PSMD13: variants seen among roughly 807,000 people sequenced by gnomAD.
PSMD13 encodes proteasome 26S subunit, non-ATPase 13, also known as 26S proteasome non-ATPase regulatory subunit 13.
PSMD13 carries 8 observed loss-of-function variants against 57.4 expected under a neutral mutation model. The observed-to-expected ratio is 0.14, with a 90% CI of 0.08 to 0.25. PSMD13 has a LOEUF of 0.25. Among genes scored for constraint, PSMD13 ranks in the 10% least tolerant of loss-of-function variants. PSMD13 has a pLI of 1.00. For missense variants in PSMD13, 400 were observed against 461.5 expected (o/e 0.87, Z 1.22); for synonymous variants, 193 against 168.2 (o/e 1.15, Z -1.14).
chr11:247,036 A>G (rs975125042), intron 6 of PSMD13, among the ~76,000 whole-genome samples: 3 of 152,138 alleles, frequency 2.0e-5, no homozygotes, highest in Non-Finnish European at 4.4e-5. Flanking sequence ...ACGCGGTCAC[A>G]TTCATCAGTC....
intron 1 of PSMD13, among the ~76,000 whole-genome samples, chr11:238,047 A>G (rs1474142785): frequency 6.6e-6 from 1 of 152,346 alleles, no homozygotes; most frequent in East Asian, 1.9e-4. Context: ...TTTGTGTTGG[A>G]TAGCACTTGG....
intron 4 of PSMD13, 45 bp from the exon 5 acceptor site, chr11:244,381 A>T (rs757319058): frequency 6.3e-7 from 1 of 1,597,940 alleles, no homozygotes; most frequent in Non-Finnish European, 8.6e-7. Context: ...TGGTTAGCAG[A>T]AACCAGTCTG....
chr11:239,514 T>C (rs1319452485), intron 2 of PSMD13, among the ~76,000 whole-genome samples: 1 of 152,188 alleles, frequency 6.6e-6, no homozygotes, highest in Non-Finnish European at 1.5e-5. Flanking sequence ...GTGGGAATCT[T>C]AGATAACTTC....
At chr11:249,148 A>G in intron 9 of PSMD13, 91 bp downstream of exon 9, 1 of 1,547,818 alleles carries the variant, frequency 6.5e-7, no homozygotes, top group East Asian at 2.3e-5. Context: ...CTAGGCACAC[A>G]GGAAAGAACA....
Position 251,666 on chromosome 11 carries a change from G to GCC in PSMD13, c.918+41_918+42dup. On this transcript the variant is annotated intron_variant, in intron 11 of 12. Coordinates refer to ENST00000532097, the MANE Select transcript of PSMD13 (RefSeq NM_002817.4). This position sits in a 1 kb window ranked among gnomAD's most constrained non-coding sequence, Gnocchi z 4.6. ...CTCAGGGTGTTAGAGCAGCAAAGCT[G>GCC]CCACATGGAGGAGTCAAGGCTCTTG... 6.3e-7 allele frequency: 1 copy of GCC among 1,581,254 alleles called. No homozygotes were observed. Among genetic ancestry groups the GCC allele is most frequent in the South Asian group, 1.1e-5 (1 of 89,544 alleles).
chr11:245,641 C>T (rs922406793), intron 6 of PSMD13, among the ~76,000 whole-genome samples: 1 of 122,348 alleles, frequency 8.2e-6, no homozygotes, highest in Non-Finnish European at 1.7e-5. Context: ...TGAACCAGAA[C>T]GTGTGTGTGT....
chr11:251,679 G>A lies in PSMD13; in HGVS notation c.918+53G>A. 6.4e-7 allele frequency: 1 copy of A among 1,569,694 alleles called. No homozygotes were observed. On this transcript the variant is annotated intron_variant, in intron 11 of 12. Transcript: ENST00000532097. The surrounding 1 kb of genome is among the most constrained non-coding windows in gnomAD (Gnocchi z 4.6). Reference sequence around the variant, plus strand: ...AGCAGCAAAGCTGCCACATGGAGGAGTCAAGGCTCTTGTGTGAGCGCTGTG... The same window carrying A: ...AGCAGCAAAGCTGCCACATGGAGGAATCAAGGCTCTTGTGTGAGCGCTGTG...
chr11:243,437 C>T (rs181130156), intron 2 of PSMD13: 19 of 294,780 alleles, frequency 6.4e-5, no homozygotes, highest in African/African-American at 3.5e-4. Flanking sequence ...ACCTTCCTTC[C>T]ACAATGGTCT....
chr11:240,788 T>C (rs895454463), intron 2 of PSMD13, among the ~76,000 whole-genome samples: 3 of 152,226 alleles, frequency 2.0e-5, no homozygotes, highest in African/African-American at 7.2e-5. Context: ...AAGGAAGATA[T>C]CTTTGAAATA....
Position 251,432 on chromosome 11 carries a change from G to A in PSMD13, c.838-114G>A, listed in dbSNP as rs2133993535. ...CTAATATTAGGAAACTTTTTAGTATGTGGGGTACTAATAAGATCTCTATTT... is the reference window on the plus strand; with the variant it reads ...CTAATATTAGGAAACTTTTTAGTATATGGGGTACTAATAAGATCTCTATTT... On this transcript the variant is annotated intron_variant, in intron 10 of 12. Transcript: ENST00000532097. The surrounding 1 kb of genome is among the most constrained non-coding windows in gnomAD (Gnocchi z 4.6). 5.6e-6 allele frequency: 5 copies of A among 888,434 alleles called. No homozygotes were observed. The South Asian group carries it at 6.9e-5, about 12-fold the overall frequency. 55.0% of individuals were successfully genotyped at this position (888,434 alleles called of 1,614,324 possible).
At chr11:237,836 T>G (rs1305281074) in intron 1 of PSMD13, among the ~76,000 whole-genome samples, 1 of 152,250 alleles carries the variant, frequency 6.6e-6, no homozygotes, top group African/African-American at 2.4e-5. Context: ...CCTTTTAATA[T>G]GAGTAGAATA....
At position 252,617 on chromosome 11, in the gene PSMD13, G is replaced by A. The variant is rs200513693; in HGVS notation, c.*17G>A. The A allele has an allele frequency of 8.5e-4, 1,364 of 1,611,764 alleles. 14 individuals are homozygous for A. The South Asian group carries it at 0.012, about 14-fold the overall frequency. On this transcript the variant is annotated 3_prime_UTR_variant, in exon 13 of 13. Transcript: ENST00000532097. The surrounding 1 kb of genome is among the most constrained non-coding windows in gnomAD (Gnocchi z 4.1). ...CTCACCTAGGGCCCCCTGGTTCCCCGTCGTGTCTCCTTTGACTCACCTGAG... is the reference window on the plus strand; with the variant it reads ...CTCACCTAGGGCCCCCTGGTTCCCCATCGTGTCTCCTTTGACTCACCTGAG...
At chr11:248,562 AAATG>A in intron 7 of PSMD13, 1 of 568,562 alleles carries the variant, frequency 1.8e-6, no homozygotes. Context: ...AGGAAAAAAT[AAATG>A]AATGCTCCTC....
chr11:237,047 G>C lies in PSMD13; in HGVS notation c.-3G>C, dbSNP rs1859263698. On this transcript the variant is annotated 5_prime_UTR_variant, in exon 1 of 13. Transcript: ENST00000532097. ...CTTCTGTGCCGGGGGTCTTCCTGCT[G>C]TCATGAAGGACGTACCGGGCTTCCT... The C allele has an allele frequency of 6.2e-7, 1 of 1,612,624 alleles. No individual in the cohort carries two copies. The highest frequency in any genetic ancestry group is 8.5e-7 in the Non-Finnish European group (1 of 1,178,838).
At chr11:243,701 G>A (rs1044775059) in intron 2 of PSMD13, among the ~76,000 whole-genome samples, 2 of 152,176 alleles carry the variant, frequency 1.3e-5, no homozygotes, top group South Asian at 2.1e-4. Context: ...CTGAGGGAGC[G>A]TTTCAATCTG....
chr11:249,285 G>T (rs552054417), intron 9 of PSMD13, among the ~76,000 whole-genome samples: 2 of 152,068 alleles, frequency 1.3e-5, no homozygotes, highest in African/African-American at 4.8e-5. Context: ...AAACAGAATC[G>T]AATGTGGGCC....
chr11:237,931 T>C (rs1157172154), intron 1 of PSMD13, among the ~76,000 whole-genome samples: 1 of 152,222 alleles, frequency 6.6e-6, no homozygotes, highest in East Asian at 1.9e-4. Context: ...TTTAATATAA[T>C]ACCTTTCACA....
At chr11:243,970 T>A in intron 2 of PSMD13, 71 bp from the exon 3 acceptor site, 1 of 1,458,252 alleles carries the variant, frequency 6.9e-7, no homozygotes, top group East Asian at 2.3e-5. Context: ...TTACCAAAGA[T>A]AGTGTTTGGG....
At chr11:250,975 C>T (rs1221388986) in intron 10 of PSMD13, 110 bp downstream of exon 10, 1 of 950,270 alleles carries the variant, frequency 1.1e-6, no homozygotes, top group African/African-American at 1.6e-5. Context: ...AGTGGTGCTG[C>T]TTCTGCTGTG....
Sources: allele counts gnomAD v4.1 joint callset (sites outside exome capture counted in the v4.1 genomes callset), GRCh38; gene constraint gnomAD v4.1.1; non-coding constraint Gnocchi (gnomAD v3.1); transcripts MANE v1.5; gene names NCBI Gene and HGNC (gene_info 2026-07-23, HGNC 2026-07-21).